Variants in CD38 observed in about 807,000 individuals in gnomAD.
The protein encoded by CD38 is CD38 molecule.
A neutral mutation model predicts 36.3 loss-of-function variants in CD38; 31 were observed. That is an observed-to-expected ratio of 0.85 (90% CI 0.64 to 1.15). The LOEUF (loss-of-function observed/expected upper bound fraction) is 1.15, where lower values mean the gene tolerates loss of function less well. CD38 is among the 50% of genes most tolerant of loss of function. CD38 has a pLI of 0.00. For synonymous variants in CD38, 131 were observed against 135.2 expected (o/e 0.97, Z 0.22); for missense variants, 380 against 371.9 (o/e 1.02, Z -0.18).
At chr4:15,823,148 AC>A (rs1268261909) in intron 2 of CD38, among the ~76,000 whole-genome samples, 3 of 152,172 alleles carry the variant, frequency 2.0e-5, no homozygotes, top group African/African-American at 7.2e-5. Context: ...TTGAAACTGG[AC>A]CCCTTCCTTG....
At chr4:15,804,180 T>A (rs893179364) in intron 1 of CD38, among the ~76,000 whole-genome samples, 1 of 152,226 alleles carries the variant, frequency 6.6e-6, no homozygotes, top group Non-Finnish European at 1.5e-5. Context: ...TACCCAGTAG[T>A]GGGATTTCTG....
intron 1 of CD38, among the ~76,000 whole-genome samples, chr4:15,784,953 G>A (rs1722778521): frequency 6.6e-6 from 1 of 152,158 alleles, no homozygotes; most frequent in South Asian, 2.1e-4. Flanking sequence ...CTACTCAGGA[G>A]GCTGAGGCAG....
rs16892467 is a variant in CD38 at position 15,850,506 on chromosome 4, A to G, written c.*1904A>G. On this transcript the variant is annotated 3_prime_UTR_variant, in exon 8 of 8. Transcript: ENST00000226279. ...TGAACTTCAACTTCCTTGCCACTCAAATAAGGATTACAAAACTTAAAATGT... is the reference window on the plus strand; with the variant it reads ...TGAACTTCAACTTCCTTGCCACTCAGATAAGGATTACAAAACTTAAAATGT... 1 of 152,158 alleles carries G rather than the reference A, an allele frequency of 6.6e-6. No individual in the cohort carries two copies. Among genetic ancestry groups the G allele is most frequent in the Non-Finnish European group, 1.5e-5 (1 of 68,034 alleles). The allele number at this position is 152,158 out of a possible 1,614,324, so 9.4% of individuals were successfully genotyped here.
chr4:15,848,754 C>G lies in CD38; in HGVS notation c.*152C>G, dbSNP rs1724322251. The G allele has an allele frequency of 1.3e-5, 7 of 543,566 alleles. No homozygotes were observed. The highest frequency in any genetic ancestry group is 6.0e-5 in the Admixed American group (2 of 33,138). The allele number at this position is 543,566 out of a possible 1,614,324, so 33.7% of individuals were successfully genotyped here. On this transcript the variant is annotated 3_prime_UTR_variant, in exon 8 of 8. Transcript: ENST00000226279. The stretch of plus-strand genomic sequence containing the variant: ...AGACGGAAGCCTTTTTCCCCAAAGT[C>G]TTAAAATAACTTATATCATCAGCAT...
chr4:15,839,961 T>G, intron 5 of CD38, 65 bp from the exon 6 acceptor site: 1 of 1,058,722 alleles, frequency 9.4e-7, no homozygotes, highest in Non-Finnish European at 1.5e-6. Context: ...TGCTGGTTGT[T>G]GAGGGGGGTG....
intron 3 of CD38, 149 bp from the exon 4 acceptor site, chr4:15,834,068 A>G (rs1724013307): frequency 1.7e-6 from 1 of 596,980 alleles, no homozygotes; most frequent in Admixed American, 2.8e-5. Flanking sequence ...ACTTAGTTAA[A>G]TTGGGTCAAA....
At chr4:15,820,538 C>A (rs1723710259) in intron 2 of CD38, among the ~76,000 whole-genome samples, 1 of 151,914 alleles carries the variant, frequency 6.6e-6, no homozygotes, top group Non-Finnish European at 1.5e-5. Flanking sequence ...GGGTTGCAAT[C>A]CTAGTTTATG....
intron 1 of CD38, among the ~76,000 whole-genome samples, chr4:15,808,757 T>C (rs908408208): frequency 1.3e-5 from 2 of 152,242 alleles, no homozygotes; most frequent in Admixed American, 6.5e-5. Flanking sequence ...ATTTGTTTGC[T>C]TGATTGCATT....
At chr4:15,798,400 C>A (rs1723145901) in intron 1 of CD38, among the ~76,000 whole-genome samples, 2 of 152,134 alleles carry the variant, frequency 1.3e-5, no homozygotes, top group African/African-American at 4.8e-5. Flanking sequence ...AAGAGCACAC[C>A]CCCATTTCAA....
Position 15,838,096 on chromosome 4 carries a change from C to T in CD38, c.590C>T (p.Ala197Val). ...VFWKTVSRRF[A>V]EAACDVVHVM... The stretch of plus-strand genomic sequence containing the variant: ...GTGGGCATTTTTTTTTTTAAGTTTG[C>T]AGAAGCTGCCTGTGATGTGGTCCAT... The change falls in exon 5 of 8, where the codon GCA becomes GTA. Residue 197 changes from alanine (A) to valine (V), a missense_variant. By Grantham distance (64) the Ala-to-Val change is moderately conservative. Coordinates refer to ENST00000226279, the MANE Select transcript of CD38 (RefSeq NM_001775.4). 1 of 1,611,582 alleles carries T rather than the reference C, an allele frequency of 6.2e-7. No homozygotes were observed. Among genetic ancestry groups the T allele is most frequent in the South Asian group, 1.1e-5 (1 of 90,842 alleles).
At chr4:15,807,768 A>G (rs1305613448) in intron 1 of CD38, among the ~76,000 whole-genome samples, 1 of 152,196 alleles carries the variant, frequency 6.6e-6, no homozygotes, top group Non-Finnish European at 1.5e-5. Context: ...AATATTTGCT[A>G]AAACAAAGAG....
At chr4:15,815,100 C>T (rs1032355767) in intron 1 of CD38, among the ~76,000 whole-genome samples, 10 of 151,980 alleles carry the variant, frequency 6.6e-5, no homozygotes, top group South Asian at 4.1e-4. Context: ...CCACCGTGCC[C>T]GGCCAAGGTC....
chr4:15,832,181 G>T (rs960085240), intron 3 of CD38, among the ~76,000 whole-genome samples: 1 of 152,114 alleles, frequency 6.6e-6, no homozygotes, highest in African/African-American at 2.4e-5. Context: ...TCATCTGATA[G>T]AATTCTTGAA....
rs67475051 is a variant in CD38 at position 15,826,459 on chromosome 4, GCACACACA to G, written c.499+1475_499+1482del. On this transcript the variant is annotated intron_variant, in intron 3 of 7. Transcript: ENST00000226279. ...ATTATTGTAAGAAACACTTTTGTGC[GCACACACA>G]CACACACACACACACACACACACAC... Among the ~76,000 whole-genome samples, 262 of 146,442 alleles carry G rather than the reference GCACACACA, an allele frequency of 1.8e-3. 2 individuals are homozygous for G. The highest frequency in any genetic ancestry group is 0.01 in the Middle Eastern group (3 of 292).
At chr4:15,813,265 A>T (rs1723512124) in intron 1 of CD38, among the ~76,000 whole-genome samples, 1 of 151,992 alleles carries the variant, frequency 6.6e-6, no homozygotes, top group Non-Finnish European at 1.5e-5. Context: ...TTAATAGATG[A>T]ATTTTATCAG....
chr4:15,808,361 C>G (rs911268496), intron 1 of CD38, among the ~76,000 whole-genome samples: 13 of 152,154 alleles, frequency 8.5e-5, no homozygotes, highest in Admixed American at 2.6e-4. Context: ...ACCAAGAGAC[C>G]TGGGAGAGGC....
At chr4:15,827,597 A>G (rs902707469) in intron 3 of CD38, among the ~76,000 whole-genome samples, 6 of 151,988 alleles carry the variant, frequency 3.9e-5, no homozygotes, top group African/African-American at 1.4e-4. Flanking sequence ...TTTAACAATG[A>G]CTGTTTTATT....
intron 1 of CD38, among the ~76,000 whole-genome samples, chr4:15,811,556 G>A (rs1420763553): frequency 6.6e-6 from 1 of 151,856 alleles, no homozygotes; most frequent in Non-Finnish European, 1.5e-5. Flanking sequence ...AATGGCCTTG[G>A]CACTCTTGTC....
chr4:15,833,482 T>C (rs1723998210), intron 3 of CD38, among the ~76,000 whole-genome samples: 1 of 152,126 alleles, frequency 6.6e-6, no homozygotes, highest in Non-Finnish European at 1.5e-5. Flanking sequence ...GACTCCACAA[T>C]AATTATTTAT....
Sources: allele counts gnomAD v4.1 joint callset (sites outside exome capture counted in the v4.1 genomes callset), GRCh38; gene constraint gnomAD v4.1.1; transcripts MANE v1.5; gene names NCBI Gene and HGNC (gene_info 2026-07-23, HGNC 2026-07-21).